INPP4B: variants seen among roughly 807,000 people sequenced by gnomAD.
The protein encoded by INPP4B is inositol polyphosphate 4-phosphatase type II.
INPP4B carries 55 observed loss-of-function variants against 122.5 expected under a neutral mutation model. That is an observed-to-expected ratio of 0.45 (90% CI 0.36 to 0.56). The LOEUF is 0.56. Among genes scored for constraint, INPP4B ranks in the 20% least tolerant of loss-of-function variants. INPP4B has a pLI of 0.00. For synonymous variants in INPP4B, 403 were observed against 388.7 expected, an observed-to-expected ratio of 1.04 and a Z score of -0.43; for missense variants, 1,000 against 1,097.7, an observed-to-expected ratio of 0.91 and a Z score of 1.26.
chr4:142,311,333 G>A (rs539086145), intron 8 of INPP4B, among the ~76,000 whole-genome samples: 16 of 152,238 alleles, frequency 1.1e-4, no homozygotes, highest in Non-Finnish European at 2.4e-4. Flanking sequence ...TACCGTGCTT[G>A]AACTTTAGTT....
At chr4:142,662,862 A>G (rs1460562232) in intron 2 of INPP4B, among the ~76,000 whole-genome samples, 1 of 152,232 alleles carries the variant, frequency 6.6e-6, no homozygotes, top group Non-Finnish European at 1.5e-5. Flanking sequence ...GTTTTTAAAA[A>G]TTCCTGGCTA....
chr4:142,098,558 G>A (rs1211705599), intron 23 of INPP4B, among the ~76,000 whole-genome samples: 3 of 152,114 alleles, frequency 2.0e-5, no homozygotes, highest in Non-Finnish European at 2.9e-5. Context: ...GCACAGGGTA[G>A]TAGCAATGCA....
chr4:142,705,138 T>G (rs1325809261), intron 2 of INPP4B, among the ~76,000 whole-genome samples: 1 of 152,164 alleles, frequency 6.6e-6, no homozygotes, highest in Non-Finnish European at 1.5e-5. Context: ...TGCTCCTTCC[T>G]GGTCATATTT....
At chr4:142,635,168 C>T (rs1748834434) in intron 2 of INPP4B, among the ~76,000 whole-genome samples, 1 of 152,060 alleles carries the variant, frequency 6.6e-6, no homozygotes, top group Non-Finnish European at 1.5e-5. Flanking sequence ...TACCATCTCA[C>T]ACTAGTCAGA....
intron 5 of INPP4B, among the ~76,000 whole-genome samples, chr4:142,416,928 T>C (rs1464919122): frequency 1.3e-5 from 2 of 152,170 alleles, no homozygotes; most frequent in African/African-American, 4.8e-5. Context: ...GAGGAGTTTA[T>C]AAGTGAGAAA....
intron 9 of INPP4B, among the ~76,000 whole-genome samples, chr4:142,281,534 T>A (rs574847081): frequency 3.8e-4 from 58 of 152,120 alleles, no homozygotes; most frequent in Non-Finnish European, 6.3e-4. Context: ...AAATTTGGAA[T>A]TATATATAGA....
At chr4:142,107,462 T>C (rs1274346319) in intron 23 of INPP4B, among the ~76,000 whole-genome samples, 1 of 152,164 alleles carries the variant, frequency 6.6e-6, no homozygotes, top group Non-Finnish European at 1.5e-5. Context: ...CCCAGCTCTC[T>C]GATTTTGGAC....
At chr4:142,775,805 T>G (rs1773818514) in intron 1 of INPP4B, among the ~76,000 whole-genome samples, 1 of 152,190 alleles carries the variant, frequency 6.6e-6, no homozygotes, top group African/African-American at 2.4e-5. Context: ...GAAGGAAGCA[T>G]CTCATTTCTC....
At chr4:142,268,518 G>A (rs1744129143) in intron 10 of INPP4B, among the ~76,000 whole-genome samples, 1 of 151,392 alleles carries the variant, frequency 6.6e-6, no homozygotes, top group African/African-American at 2.4e-5. Flanking sequence ...GTACTCCAAA[G>A]GAATTGAAAT....
chr4:142,617,434 C>T (rs1391674652), intron 2 of INPP4B, among the ~76,000 whole-genome samples: 3 of 152,082 alleles, frequency 2.0e-5, no homozygotes, highest in East Asian at 1.9e-4. Context: ...GGGCAGCAAC[C>T]ATTGCTTGCT....
chr4:142,069,770 C>T (rs1160282360), intron 25 of INPP4B, among the ~76,000 whole-genome samples: 1 of 152,058 alleles, frequency 6.6e-6, no homozygotes, highest in Non-Finnish European at 1.5e-5. Context: ...TTCACCATCC[C>T]AAGACTAAAC....
At chr4:142,691,788 T>C (rs1286947421) in intron 2 of INPP4B, among the ~76,000 whole-genome samples, 1 of 152,052 alleles carries the variant, frequency 6.6e-6, no homozygotes, top group East Asian at 1.9e-4. Context: ...TGAGGAGCTA[T>C]AAAAACTCTG....
At chr4:142,610,187 C>T (rs1337074531) in intron 2 of INPP4B, among the ~76,000 whole-genome samples, 2 of 152,084 alleles carry the variant, frequency 1.3e-5, no homozygotes, top group Admixed American at 6.6e-5. Flanking sequence ...ATAAGTCTCA[C>T]GAGATCTAAT....
chr4:142,208,773 T>G, intron 13 of INPP4B, 123 bp downstream of exon 13: 1 of 721,352 alleles, frequency 1.4e-6, no homozygotes, highest in Non-Finnish European at 2.0e-6. Context: ...AAGTTAGAAA[T>G]AAAAGAGTTT....
chr4:142,274,617 T>A (rs1747490582), intron 9 of INPP4B, among the ~76,000 whole-genome samples: 1 of 151,896 alleles, frequency 6.6e-6, no homozygotes, highest in African/African-American at 2.4e-5. Flanking sequence ...ATATATGTCA[T>A]ACAGATGTAT....
intron 15 of INPP4B, among the ~76,000 whole-genome samples, chr4:142,185,752 G>A (rs1416395699): frequency 6.6e-6 from 1 of 151,720 alleles, no homozygotes; most frequent in East Asian, 1.9e-4. Flanking sequence ...GGTGGCAGGT[G>A]CCTGTAGTCC....
chr4:142,633,125 T>TA (rs1176261467), intron 2 of INPP4B, among the ~76,000 whole-genome samples: 1 of 151,924 alleles, frequency 6.6e-6, no homozygotes, highest in African/African-American at 2.4e-5. Context: ...AAGCAATCTC[T>TA]AAGTCAAGAA....
chr4:142,666,695 C>A (rs1034597028), intron 2 of INPP4B, among the ~76,000 whole-genome samples: 1 of 151,866 alleles, frequency 6.6e-6, no homozygotes, highest in Non-Finnish European at 1.5e-5. Flanking sequence ...CTGTTGAACA[C>A]CTACTGTTTG....
chr4:142,563,027 C>T (rs1730805532), intron 2 of INPP4B, among the ~76,000 whole-genome samples: 1 of 152,126 alleles, frequency 6.6e-6, no homozygotes, highest in Non-Finnish European at 1.5e-5. Context: ...AGGGACATGC[C>T]CCTAAGATGG....
Sources: gnomAD v4.1 joint callset for allele counts (sites outside exome capture counted in the v4.1 genomes callset) on GRCh38, gnomAD v4.1.1 for gene constraint, MANE v1.5 for transcripts, NCBI Gene and HGNC (gene_info 2026-07-23, HGNC 2026-07-21) for gene names.